NFIA: variants seen among roughly 807,000 people sequenced by gnomAD.
NFIA encodes nuclear factor 1 A-type.
Under a neutral mutation model 62.8 loss-of-function variants are expected in NFIA, and 8 were observed. The ratio of observed to expected loss-of-function variants is 0.13; its 90% confidence interval spans 0.07 to 0.23. The LOEUF is 0.23. Ranked by LOEUF, NFIA falls within the 10% of genes least tolerant of loss-of-function variation. NFIA has a pLI of 1.00. For synonymous variants in NFIA, 235 were observed against 238.1 expected (o/e 0.99, Z 0.12); for missense variants, 410 against 642.1 (o/e 0.64, Z 3.91).
At chr1:61,293,745 C>G (rs1271790214) in intron 3 of NFIA, among the ~76,000 whole-genome samples, 1 of 152,138 alleles carries the variant, frequency 6.6e-6, no homozygotes, top group Non-Finnish European at 1.5e-5. Flanking sequence ...ACATGATGCT[C>G]AAGGTTTTCT....
chr1:61,367,278 T>C (rs1490649592), intron 6 of NFIA, among the ~76,000 whole-genome samples: 2 of 152,198 alleles, frequency 1.3e-5, no homozygotes, highest in African/African-American at 4.8e-5. Context: ...GGGAAACCCA[T>C]TATCAGTGCC....
At chr1:61,254,114 A>G (rs1046489871) in intron 2 of NFIA, among the ~76,000 whole-genome samples, 1 of 152,192 alleles carries the variant, frequency 6.6e-6, no homozygotes, top group Non-Finnish European at 1.5e-5. Context: ...TGTGTGTTCC[A>G]TCTTACGTCA....
intron 2 of NFIA, among the ~76,000 whole-genome samples, chr1:61,117,769 G>C (rs1646816889): frequency 6.6e-6 from 1 of 152,194 alleles, no homozygotes; most frequent in African/African-American, 2.4e-5. Flanking sequence ...CTGGGTACAA[G>C]GCTTTGAGCT....
chr1:61,089,597 T>A (rs528423954), intron 2 of NFIA, among the ~76,000 whole-genome samples: 1 of 152,138 alleles, frequency 6.6e-6, no homozygotes, highest in Non-Finnish European at 1.5e-5. Flanking sequence ...CTTGCTAGAT[T>A]ACCTTCATGG....
At chr1:61,180,084 C>T (rs976801556) in intron 2 of NFIA, among the ~76,000 whole-genome samples, 1 of 152,120 alleles carries the variant, frequency 6.6e-6, no homozygotes, top group African/African-American at 2.4e-5. Context: ...CTCTTGACTC[C>T]TCAGGACGAG....
chr1:61,195,496 C>A (rs1411251512), intron 2 of NFIA, among the ~76,000 whole-genome samples: 1 of 152,096 alleles, frequency 6.6e-6, no homozygotes, highest in African/African-American at 2.4e-5. Context: ...GTACCCTCCT[C>A]TGTCTGTATA....
intron 4 of NFIA, among the ~76,000 whole-genome samples, chr1:61,339,268 G>C (rs576863815): frequency 8.5e-5 from 13 of 152,264 alleles, no homozygotes; most frequent in African/African-American, 2.9e-4. Flanking sequence ...ACCTCTTCTA[G>C]AGTGAAGGTA....
intron 3 of NFIA, among the ~76,000 whole-genome samples, chr1:61,289,850 T>G (rs1434076386): frequency 2.0e-5 from 3 of 152,152 alleles, no homozygotes; most frequent in Non-Finnish European, 2.9e-5. Flanking sequence ...CAGGACTGTT[T>G]CTGTGTGGAT....
At chr1:61,119,542 A>G (rs923715410) in intron 2 of NFIA, among the ~76,000 whole-genome samples, 7 of 152,224 alleles carry the variant, frequency 4.6e-5, no homozygotes, top group Non-Finnish European at 7.3e-5. Context: ...TTTGGCATAG[A>G]TTGCATGGGT....
chr1:61,207,090 A>G (rs939423484), intron 2 of NFIA, among the ~76,000 whole-genome samples: 1 of 152,170 alleles, frequency 6.6e-6, no homozygotes, highest in Non-Finnish European at 1.5e-5. Context: ...TGGGGACCCT[A>G]CATCTGGGAG....
At chr1:61,186,817 T>C (rs1651217526) in intron 2 of NFIA, among the ~76,000 whole-genome samples, 2 of 152,244 alleles carry the variant, frequency 1.3e-5, no homozygotes, top group African/African-American at 2.4e-5. Flanking sequence ...GAAACAGTAC[T>C]GTTATCACCT....
At chr1:61,372,661 A>G (rs564606823) in intron 6 of NFIA, among the ~76,000 whole-genome samples, 83 of 151,576 alleles carry the variant, frequency 5.5e-4, no homozygotes, top group African/African-American at 2.0e-3. Flanking sequence ...AAATACAGTT[A>G]TTTCCCTTTT....
At chr1:61,089,446 A>G (rs1159616192) in intron 2 of NFIA, among the ~76,000 whole-genome samples, 2 of 152,218 alleles carry the variant, frequency 1.3e-5, no homozygotes, top group Non-Finnish European at 2.9e-5. Context: ...AATAGCATGC[A>G]GGATAAAACT....
At chr1:61,381,883 C>A (rs1664434312) in intron 6 of NFIA, among the ~76,000 whole-genome samples, 1 of 152,152 alleles carries the variant, frequency 6.6e-6, no homozygotes, top group African/African-American at 2.4e-5. Flanking sequence ...TATTTAGATA[C>A]ACGCAAAACT....
chr1:61,080,004 C>T (rs1007038428), upstream of NFIA, among the ~76,000 whole-genome samples: 1 of 152,002 alleles, frequency 6.6e-6, no homozygotes, highest in Admixed American at 6.6e-5. Context: ...GTAGTGTTCC[C>T]CCGCCTCCCC....
chr1:61,286,172 A>T (rs574313852), intron 3 of NFIA, among the ~76,000 whole-genome samples: 24 of 152,238 alleles, frequency 1.6e-4, no homozygotes, highest in African/African-American at 5.8e-4. Context: ...TCACGCCTGT[A>T]ATCCCAGCAC....
Position 61,088,952 on chromosome 1 carries a change from G to A in NFIA, c.559+272G>A, listed in dbSNP as rs1646268168. ...GTGATATGTTTAAATCACATTTTTT[G>A]ATGAGGGGATGAGAGAAGCCTCGTG... On this transcript the variant is annotated intron_variant, in intron 2 of 10. Transcript: ENST00000403491. This position sits in a 1 kb window ranked among gnomAD's most constrained non-coding sequence, Gnocchi z 4.5. Among the ~76,000 whole-genome samples, 2 of 152,198 alleles carry A rather than the reference G, an allele frequency of 1.3e-5. No individual in the cohort carries two copies. Among genetic ancestry groups the A allele is most frequent in the South Asian group, 2.1e-4 (1 of 4,828 alleles).
intron 2 of NFIA, among the ~76,000 whole-genome samples, chr1:61,097,358 G>A (rs554773918): frequency 3.9e-5 from 6 of 152,164 alleles, no homozygotes; most frequent in African/African-American, 4.8e-5. Flanking sequence ...AAAGTGAGGC[G>A]AAATTGAAAC....
intron 10 of NFIA, among the ~76,000 whole-genome samples, chr1:61,445,188 A>G (rs1296768781): frequency 3.9e-5 from 6 of 152,206 alleles, no homozygotes; most frequent in South Asian, 2.1e-4. Context: ...TCCAAGAAGC[A>G]TAGATCCCTG....
Sources: gnomAD v4.1 joint callset for allele counts (sites outside exome capture counted in the v4.1 genomes callset) on GRCh38, gnomAD v4.1.1 for gene constraint, Gnocchi (gnomAD v3.1) non-coding constraint, MANE v1.5 for transcripts, NCBI Gene and HGNC (gene_info 2026-07-23, HGNC 2026-07-21) for gene names.